The following AKR1C8 variants were observed in gnomAD, a reference collection of about 807,000 sequenced individuals.
AKR1C8 encodes aldo-keto reductase family 1 member C8.
the AKR1C8 span, among the ~76,000 whole-genome samples, chr10:5,168,344 C>T: frequency 5.3e-5 from 8 of 151,984 alleles, no homozygotes; most frequent in Admixed American, 4.6e-4. Flanking sequence ...CCCAGGTGCC[C>T]CAGCCCTTCT....
the AKR1C8 span, among the ~76,000 whole-genome samples, chr10:5,134,651 T>C: frequency 6.6e-6 from 1 of 152,218 alleles, no homozygotes; most frequent in Non-Finnish European, 1.5e-5. Context: ...ATTATTACTC[T>C]GTCATGCTCA....
the AKR1C8 span, among the ~76,000 whole-genome samples, chr10:5,137,412 A>G: frequency 1.3e-5 from 2 of 152,148 alleles, no homozygotes; most frequent in African/African-American, 2.4e-5. Flanking sequence ...AGATCAAGTT[A>G]GCTTCATCCC....
chr10:5,132,391 G>C, the AKR1C8 span, among the ~76,000 whole-genome samples: 43 of 152,190 alleles, frequency 2.8e-4, no homozygotes, highest in Non-Finnish European at 6.0e-4. Flanking sequence ...AAAAAGTAAA[G>C]TGATTTTCAA....
chr10:5,168,688 A>G, the AKR1C8 span, among the ~76,000 whole-genome samples: 1 of 152,158 alleles, frequency 6.6e-6, no homozygotes, highest in African/African-American at 2.4e-5. Flanking sequence ...TTCAGAGATG[A>G]AAACATGTCT....
chr10:5,166,529 A>T, the AKR1C8 span, among the ~76,000 whole-genome samples: 1 of 152,172 alleles, frequency 6.6e-6, no homozygotes, highest in Non-Finnish European at 1.5e-5. Context: ...CAAAAACAAG[A>T]AATGGGGAAA....
the AKR1C8 span, among the ~76,000 whole-genome samples, chr10:5,132,201 A>G: frequency 6.6e-6 from 1 of 152,228 alleles, no homozygotes; most frequent in East Asian, 1.9e-4. Context: ...GAGTAAGGTG[A>G]GGGATAAAAG....
chr10:5,151,173 G>T, the AKR1C8 span, among the ~76,000 whole-genome samples: 1 of 152,020 alleles, frequency 6.6e-6, no homozygotes, highest in African/African-American at 2.4e-5. Flanking sequence ...TCAGGTTCAG[G>T]GTCTGCAAAA....
chr10:5,167,132 C>A, the AKR1C8 span, among the ~76,000 whole-genome samples: 5 of 152,106 alleles, frequency 3.3e-5, no homozygotes, highest in Non-Finnish European at 7.4e-5. Flanking sequence ...AGTCAGGAAA[C>A]AACAGGTGCT....
At chr10:5,116,467 G>A in the AKR1C8 span, among the ~76,000 whole-genome samples, 5 of 152,072 alleles carry the variant, frequency 3.3e-5, no homozygotes, top group African/African-American at 9.7e-5. Context: ...TTCCTGGACC[G>A]TGAATCCTGG....
the AKR1C8 span, among the ~76,000 whole-genome samples, chr10:5,178,755 TTTG>T: frequency 6.6e-6 from 1 of 152,210 alleles, no homozygotes; most frequent in East Asian, 1.9e-4. Flanking sequence ...TCTTTTGATC[TTTG>T]TTGGTTTGAA....
At chr10:5,161,650 G>A in the AKR1C8 span, 5 of 530,342 alleles carry the variant, frequency 9.4e-6, no homozygotes, top group South Asian at 4.2e-5. Context: ...CCTTAAGGCT[G>A]GGGGACAAGG....
At chr10:5,149,512 A>G in the AKR1C8 span, among the ~76,000 whole-genome samples, 3 of 152,242 alleles carry the variant, frequency 2.0e-5, no homozygotes, top group South Asian at 2.1e-4. Flanking sequence ...GATGAATTGC[A>G]TAAATTGGTT....
chr10:5,153,094 G>A, the AKR1C8 span, among the ~76,000 whole-genome samples: 1 of 152,104 alleles, frequency 6.6e-6, no homozygotes, highest in Non-Finnish European at 1.5e-5. Context: ...GTACTTATAT[G>A]TTTCTTGCAT....
the AKR1C8 span, among the ~76,000 whole-genome samples, chr10:5,161,353 G>C: frequency 4.6e-5 from 7 of 152,110 alleles, no homozygotes; most frequent in Non-Finnish European, 1.0e-4. Flanking sequence ...CTCAGCCAAC[G>C]TCCACTGTGA....
chr10:5,178,531 T>C, the AKR1C8 span, among the ~76,000 whole-genome samples: 1 of 152,180 alleles, frequency 6.6e-6, no homozygotes. Context: ...TTCCTGGGTA[T>C]CCTTTTTAAC....
the AKR1C8 span, among the ~76,000 whole-genome samples, chr10:5,131,003 A>G: frequency 6.6e-6 from 1 of 152,018 alleles, no homozygotes; most frequent in Admixed American, 6.6e-5. Flanking sequence ...AGGCATTTAG[A>G]TAAATGAAAC....
At chr10:5,168,658 C>A in the AKR1C8 span, among the ~76,000 whole-genome samples, 2 of 152,088 alleles carry the variant, frequency 1.3e-5, no homozygotes, top group African/African-American at 4.8e-5. Context: ...AAACAGAGAG[C>A]TCTGCAGACA....
At chr10:5,165,173 C>CT in the AKR1C8 span, among the ~76,000 whole-genome samples, 8 of 152,122 alleles carry the variant, frequency 5.3e-5, no homozygotes, top group African/African-American at 1.7e-4. Flanking sequence ...AGTGAATACC[C>CT]TCCTCCCTCT....
chr10:5,117,586 G>T, the AKR1C8 span, among the ~76,000 whole-genome samples: 1 of 152,088 alleles, frequency 6.6e-6, no homozygotes, highest in Non-Finnish European at 1.5e-5. Context: ...TTGCTATAAA[G>T]GAATACCTGA....
Sources: gnomAD v4.1 joint callset for allele counts (sites outside exome capture counted in the v4.1 genomes callset) on GRCh38, gnomAD v4.1.1 for gene constraint, MANE v1.5 for transcripts, NCBI Gene and HGNC (gene_info 2026-07-23, HGNC 2026-07-21) for gene names.